Variants in TLR4 observed in about 807,000 individuals in gnomAD.
TLR4 encodes the protein toll-like receptor 4.
In TLR4, 17 loss-of-function variants were observed where a neutral mutation model predicts 27.4. That is an observed-to-expected ratio of 0.62 (90% CI 0.42 to 0.93). TLR4 has a LOEUF of 0.93. Ranked by LOEUF, TLR4 falls within the 40% of genes least tolerant of loss-of-function variation. The pLI, the probability that TLR4 is intolerant of heterozygous loss-of-function variation, is 0.00. For synonymous variants in TLR4, 363 were observed against 365.7 expected (o/e 0.99, Z 0.08); for missense variants, 926 against 962.3 (o/e 0.96, Z 0.50).
In TLR4 at chr9:117,712,444, A is replaced by G; in HGVS notation, c.316A>G (p.Thr106Ala). The G allele has an allele frequency of 6.2e-7, 1 of 1,613,882 alleles. No individual in the cohort carries two copies. Among genetic ancestry groups the G allele is most frequent in the East Asian group, 2.2e-5 (1 of 44,864 alleles). The change falls in exon 3 of 3, where the codon ACC becomes GCC. Residue 106 changes from threonine to alanine, a missense_variant. Coordinates refer to ENST00000355622, the MANE Select transcript of TLR4 (RefSeq NM_138554.5). The stretch of plus-strand genomic sequence containing the variant: ...ATATCAGAGCCTAAGCCACCTCTCT[A>G]CCTTAATATTGACAGGAAACCCCAT... ...GAYQSLSHLS[T>A]LILTGNPIQS...
In TLR4 at chr9:117,714,935, A is replaced by G; in HGVS notation, c.*287A>G. ...ACTCTTACCTCATCAAGTTGAATAA[A>G]GACAGAGAAAACAGAAAGAGACATT... On this transcript the variant is annotated 3_prime_UTR_variant, in exon 3 of 3. Coordinates refer to ENST00000355622, the MANE Select transcript of TLR4 (RefSeq NM_138554.5). 2.2e-6 allele frequency: 1 copy of G among 460,160 alleles called. No individual in the cohort carries two copies. 28.5% of individuals were successfully genotyped at this position (460,160 alleles called of 1,614,324 possible). A position where few individuals can be genotyped will look rare whatever the true frequency, so the allele number is the denominator to read the frequency against.
At chr9:117,705,923 G>A (rs547489112) in intron 1 of TLR4, among the ~76,000 whole-genome samples, 80 of 151,596 alleles carry the variant, frequency 5.3e-4, no homozygotes, top group Non-Finnish European at 4.7e-4. Flanking sequence ...AATATTATGT[G>A]AGCCACATAT....
At position 117,712,505 on chromosome 9, in the gene TLR4, C is replaced by A; in HGVS notation, c.377C>A (p.Ser126Ter). Residue 126 changes from serine to a stop codon, truncating the protein, a stop_gained, in exon 3 of 3, where the codon TCA (serine) becomes TAA (stop). Coordinates refer to ENST00000355622, the MANE Select transcript of TLR4 (RefSeq NM_138554.5). LOFTEE classifies it low-confidence loss of function (END_TRUNC). Reference sequence around the variant, plus strand: ...GCCCTGGGAGCCTTTTCTGGACTATCAAGTTTACAGAAGCTGGTGGCTGTG... The same window carrying A: ...GCCCTGGGAGCCTTTTCTGGACTATAAAGTTTACAGAAGCTGGTGGCTGTG... ...SLALGAFSGL[S>*]SLQKLVAVET... The A allele has an allele frequency of 6.2e-7, 1 of 1,613,956 alleles. No individual in the cohort carries two copies. Among genetic ancestry groups the A allele is most frequent in the South Asian group, 1.1e-5 (1 of 91,076 alleles).
intron 2 of TLR4, among the ~76,000 whole-genome samples, chr9:117,711,104 C>A (rs1829223297): frequency 6.6e-6 from 1 of 152,162 alleles, no homozygotes; most frequent in African/African-American, 2.4e-5. Context: ...AAGAGGTACT[C>A]AAGATCACAC....
chr9:117,714,880 A>C lies in TLR4; in HGVS notation c.*232A>C, dbSNP rs199974908. On this transcript the variant is annotated 3_prime_UTR_variant, in exon 3 of 3. Coordinates refer to ENST00000355622, the MANE Select transcript of TLR4 (RefSeq NM_138554.5). ...GGTGGGCATTTCAACCAACTCAGTCAAGGAACCCATGACAAAGAAAGTCAT... is the reference window on the plus strand; with the variant it reads ...GGTGGGCATTTCAACCAACTCAGTCCAGGAACCCATGACAAAGAAAGTCAT... 1 of 569,796 alleles carries C rather than the reference A, an allele frequency of 1.8e-6. No individual in the cohort carries two copies. The highest frequency in any genetic ancestry group is 3.0e-5 in the Admixed American group (1 of 33,242). 35.3% of individuals were successfully genotyped at this position (569,796 alleles called of 1,614,324 possible). A position where few individuals can be genotyped will look rare whatever the true frequency, so the allele number is the denominator to read the frequency against.
intron 2 of TLR4, 59 bp downstream of exon 2, chr9:117,708,788 A>G: frequency 5.0e-6 from 8 of 1,602,722 alleles, no homozygotes; most frequent in South Asian, 1.1e-5. Flanking sequence ...CTGTCATTTC[A>G]TTATTGGACT....
rs1032515736 is a variant in TLR4, at chr9:117,723,907, A to T, written c.*9259A>T. 1 of 152,210 alleles carries T rather than the reference A, an allele frequency of 6.6e-6. No homozygotes were observed. The highest frequency in any genetic ancestry group is 1.5e-5 in the Non-Finnish European group (1 of 68,052). 9.4% of individuals were successfully genotyped at this position (152,210 alleles called of 1,614,324 possible). A position where few individuals can be genotyped will look rare whatever the true frequency, so the allele number is the denominator to read the frequency against. ...CTACACTGTTAGTCACAGAGGTACCATTCGACCCCTTGTGCCTCTTACCAT... is the reference window on the plus strand; with the variant it reads ...CTACACTGTTAGTCACAGAGGTACCTTTCGACCCCTTGTGCCTCTTACCAT... On this transcript the variant is annotated 3_prime_UTR_variant, in exon 3 of 3. Coordinates refer to ENST00000355622, the MANE Select transcript of TLR4 (RefSeq NM_138554.5).
rs200195902 is a variant in TLR4 at position 117,712,742 on chromosome 9, A to T, written c.614A>T (p.Asn205Ile). ...GTTCTACATCAAATGCCCCTACTCA[A>T]TCTCTCTTTAGACCTGTCCCTGAAC... ...LRVLHQMPLL[N>I]LSLDLSLNPM... is the part of the protein sequence containing the mutation. The change falls in exon 3 of 3, where the codon AAT becomes ATT. Residue 205 changes from asparagine (N) to isoleucine (I), a missense_variant. Transcript: ENST00000355622. 1.2e-5 allele frequency: 19 copies of T among 1,613,926 alleles called. No homozygotes were observed. The highest frequency in any genetic ancestry group is 1.6e-5 in the Non-Finnish European group (19 of 1,180,012).
In TLR4 at chr9:117,713,314, T is replaced by G. The variant is rs1467257347; in HGVS notation, c.1186T>G (p.Phe396Val). The change falls in exon 3 of 3, where the codon TTT (phenylalanine) becomes GTT (valine). Residue 396 changes from phenylalanine (F) to valine (V), a missense_variant. Transcript: ENST00000355622. ...SFKGCCSQSDFGTTSLKYLDL... is the reference protein window; with the variant it reads ...SFKGCCSQSDVGTTSLKYLDL... Reference sequence around the variant, plus strand: ...CAAAGGTTGCTGTTCTCAAAGTGATTTTGGGACAACCAGCCTAAAGTATTT... The same window carrying G: ...CAAAGGTTGCTGTTCTCAAAGTGATGTTGGGACAACCAGCCTAAAGTATTT... 2 of 1,613,916 alleles carry G rather than the reference T, an allele frequency of 1.2e-6. No individual in the cohort carries two copies. Among genetic ancestry groups the G allele is most frequent in the African/African-American group, 2.7e-5 (2 of 74,924 alleles).
At chr9:117,704,949 T>C (rs1009005191) in intron 1 of TLR4, among the ~76,000 whole-genome samples, 1 of 152,178 alleles carries the variant, frequency 6.6e-6, no homozygotes, top group Non-Finnish European at 1.5e-5. Flanking sequence ...TTCCCACTGG[T>C]GGTCTTTACA....
At chr9:117,711,185 A>C (rs1829225516) in intron 2 of TLR4, among the ~76,000 whole-genome samples, 1 of 152,200 alleles carries the variant, frequency 6.6e-6, no homozygotes, top group Admixed American at 6.5e-5. Context: ...TTTCTACTAT[A>C]CTGCCTATCC....
In TLR4 at chr9:117,713,181, A is replaced by G. The variant is rs1829271621; in HGVS notation, c.1053A>G (p.Lys351=). The change falls in exon 3 of 3, where the codon AAA becomes AAG. Residue 351 remains lysine, a synonymous_variant. Coordinates refer to ENST00000355622, the MANE Select transcript of TLR4 (RefSeq NM_138554.5). ...KFGQFPTLKL[K]SLKRLTFTSN... is the part of the protein sequence containing the mutation. ...GACAGTTTCCCACATTGAAACTCAA[A>G]TCTCTCAAAAGGCTTACTTTCACTT... 1.2e-6 allele frequency: 2 copies of G among 1,614,050 alleles called. No homozygotes were observed. Among genetic ancestry groups the G allele is most frequent in the East Asian group, 2.2e-5 (1 of 44,860 alleles).
intron 1 of TLR4, chr9:117,708,250 A>G (rs1407582876): frequency 7.1e-6 from 8 of 1,120,776 alleles, no homozygotes; most frequent in African/African-American, 1.6e-5. Context: ...GAGCTTTCAG[A>G]CTCCGGAGCC....
rs200722182 is a variant in TLR4, at chr9:117,717,117, G to T, written c.*2469G>T. On this transcript the variant is annotated 3_prime_UTR_variant, in exon 3 of 3. Coordinates refer to ENST00000355622, the MANE Select transcript of TLR4 (RefSeq NM_138554.5). The stretch of plus-strand genomic sequence containing the variant: ...CAGGGCTGTGTGTATTTGAAAGTGT[G>T]TGTGTCCGCATGATCATATCTGTAT... The T allele has an allele frequency of 6.6e-6, 1 of 152,144 alleles. No homozygotes were observed. Among genetic ancestry groups the T allele is most frequent in the Non-Finnish European group, 1.5e-5 (1 of 68,018 alleles). The allele number at this position is 152,144 out of a possible 1,614,324, so 9.4% of individuals were successfully genotyped here.
At position 117,716,626 on chromosome 9, in the gene TLR4, T is replaced by C. The variant is rs201807148; in HGVS notation, c.*1978T>C. 2 of 152,144 alleles carry C rather than the reference T, an allele frequency of 1.3e-5. No individual in the cohort carries two copies. Among genetic ancestry groups the C allele is most frequent in the Non-Finnish European group, 2.9e-5 (2 of 68,016 alleles). 9.4% of individuals were successfully genotyped at this position (152,144 alleles called of 1,614,324 possible). A position where few individuals can be genotyped will look rare whatever the true frequency, so the allele number is the denominator to read the frequency against. ...TAAAATTATAGTATGCAAGATGAAT[T>C]AGCTCTAAAGATCAGCTGTATAGCA... On this transcript the variant is annotated 3_prime_UTR_variant, in exon 3 of 3. Coordinates refer to ENST00000355622, the MANE Select transcript of TLR4 (RefSeq NM_138554.5).
At chr9:117,708,917 TC>T in intron 2 of TLR4, 188 bp downstream of exon 2, 1 of 686,350 alleles carries the variant, frequency 1.5e-6, no homozygotes, top group Non-Finnish European at 2.4e-6. Context: ...AGTTTTCTAA[TC>T]TGTGAAGTAG....
chr9:117,712,281 A>G, intron 2 of TLR4, 108 bp from the exon 3 acceptor site: 2 of 1,116,474 alleles, frequency 1.8e-6, no homozygotes, highest in Non-Finnish European at 1.3e-6. Flanking sequence ...GCACAATCAT[A>G]TGACCCATCA....
rs775417409 is a variant in TLR4, at chr9:117,712,939, A to G, written c.811A>G (p.Lys271Glu). Residue 271 changes from lysine (K) to glutamate (E), a missense_variant, in exon 3 of 3, where the codon AAG becomes GAG. Physicochemically the swap from Lys to Glu is moderately conservative, Grantham distance 56. Coordinates refer to ENST00000355622, the MANE Select transcript of TLR4 (RefSeq NM_138554.5). The stretch of plus-strand genomic sequence containing the variant: ...ATTTAGAAATGAAGGAAACTTGGAA[A>G]AGTTTGACAAATCTGCTCTAGAGGG... ...GEFRNEGNLEKFDKSALEGLC... is the reference protein window; with the variant it reads ...GEFRNEGNLEEFDKSALEGLC... The G allele has an allele frequency of 1.9e-6, 3 of 1,614,108 alleles. No individual in the cohort carries two copies. The South Asian group carries it at 3.3e-5, about 18-fold the overall frequency.
At chr9:117,706,633 C>T (rs1422008804) in intron 1 of TLR4, among the ~76,000 whole-genome samples, 1 of 152,208 alleles carries the variant, frequency 6.6e-6, no homozygotes, top group East Asian at 1.9e-4. Flanking sequence ...TTTACGTGCT[C>T]ACGTTGTCCT....
Sources: allele counts gnomAD v4.1 joint callset (sites outside exome capture counted in the v4.1 genomes callset), GRCh38; gene constraint gnomAD v4.1.1; transcripts MANE v1.5; gene names NCBI Gene and HGNC (gene_info 2026-07-23, HGNC 2026-07-21).